KCNG2: variants seen among roughly 807,000 people sequenced by gnomAD.
The protein encoded by KCNG2 is voltage-gated potassium channel regulatory subunit KCNG2.
Under a neutral mutation model 12.3 loss-of-function variants are expected in KCNG2, and 7 were observed. The ratio of observed to expected loss-of-function variants is 0.57; its 90% CI spans 0.32 to 1.07. The LOEUF is 1.07. Among genes scored for constraint, KCNG2 ranks in the 50% least tolerant of loss-of-function variants. The pLI, the probability that KCNG2 is intolerant of heterozygous loss-of-function variation, is 0.04. For synonymous variants in KCNG2, 414 were observed against 351.4 expected, an observed-to-expected ratio of 1.18 and a Z score of -1.99; for missense variants, 703 against 726.0, an observed-to-expected ratio of 0.97 and a Z score of 0.36.
intron 1 of KCNG2, among the ~76,000 whole-genome samples, chr18:79,825,796 C>T (rs2087609570): frequency 6.6e-6 from 1 of 152,206 alleles, no homozygotes; most frequent in Non-Finnish European, 1.5e-5. Flanking sequence ...CCTGTATCGT[C>T]TGGGGGAAAA....
At chr18:79,844,202 T>C (rs1381215249) in intron 1 of KCNG2, among the ~76,000 whole-genome samples, 1 of 152,172 alleles carries the variant, frequency 6.6e-6, no homozygotes, top group East Asian at 1.9e-4. Context: ...GAACATGTTA[T>C]TGACATATAC....
chr18:79,826,687 C>T (rs939579397), intron 1 of KCNG2, among the ~76,000 whole-genome samples: 3 of 144,828 alleles, frequency 2.1e-5, no homozygotes, highest in Non-Finnish European at 4.5e-5. Context: ...GAGTGAGCAG[C>T]TCCTCACGGA....
rs776467192 is a variant in KCNG2, at chr18:79,899,767, G to T, written c.1352G>T (p.Gly451Val). Residue 451 changes from glycine to valine, a missense_variant, in exon 4 of 4, where the codon GGC (glycine) becomes GTC (valine). Transcript: ENST00000316249. ...AGCTCGCAGGGCCCCGACAGCGCGG[G>T]CCTGGCCGACGACTCCGCGGATGCG... is the stretch of plus-strand genomic sequence containing the variant. ...EDSSQGPDSA[G>V]LADDSADALW... 1.3e-6 allele frequency: 2 copies of T among 1,518,918 alleles called. No homozygotes were observed. Among genetic ancestry groups the T allele is most frequent in the South Asian group, 1.3e-5 (1 of 79,108 alleles). 94.1% of individuals were successfully genotyped at this position (1,518,918 alleles called of 1,614,324 possible).
rs1010447869 is a variant in KCNG2 at position 79,797,949 on chromosome 18, G to C, written c.-180G>C. Among the ~76,000 whole-genome samples, 1 of 151,458 alleles carries C rather than the reference G, an allele frequency of 6.6e-6. No individual in the cohort carries two copies. Among genetic ancestry groups the C allele is most frequent in the African/African-American group, 2.4e-5 (1 of 41,224 alleles). On this transcript the variant is annotated 5_prime_UTR_variant, in exon 1 of 4. Transcript: ENST00000316249. ...GGGATGCCGGCTCCAGAGACGCCGC[G>C]CTCCGCCCCGAGGAGGCCGCCGGCC... is the stretch of plus-strand genomic sequence containing the variant.
At chr18:79,848,428 G>A (rs1978697606) in intron 1 of KCNG2, among the ~76,000 whole-genome samples, 2 of 152,168 alleles carry the variant, frequency 1.3e-5, no homozygotes, top group Admixed American at 1.3e-4. Flanking sequence ...CTGCAGCACC[G>A]GCCATCGTCA....
At position 79,899,201 on chromosome 18, in the gene KCNG2, C is replaced by G; in HGVS notation, c.786C>G (p.Phe262Leu). 1 of 1,603,692 alleles carries G rather than the reference C, an allele frequency of 6.2e-7. No individual in the cohort carries two copies. Among genetic ancestry groups the G allele is most frequent in the Non-Finnish European group, 8.5e-7 (1 of 1,179,446 alleles). ...NIIDILALLP[F>L]YVSLLLGLAA... ...TTGACATCCTGGCGCTCCTGCCGTT[C>G]TACGTGTCGCTGCTGCTGGGGCTGG... The change falls in exon 4 of 4, where the codon TTC (phenylalanine) becomes TTG (leucine). Residue 262 changes from phenylalanine to leucine, a missense_variant. By Grantham distance (22) the Phe-to-Leu change is conservative. Coordinates refer to ENST00000316249, the MANE Select transcript of KCNG2 (RefSeq NM_012283.2).
At chr18:79,830,239 C>G (rs867726507) in intron 1 of KCNG2, among the ~76,000 whole-genome samples, 15 of 152,274 alleles carry the variant, frequency 9.9e-5, no homozygotes, top group South Asian at 6.2e-4. Context: ...GGTCAACACA[C>G]CTCCCCTGAA....
intron 2 of KCNG2, 83 bp from the exon 3 acceptor site, chr18:79,863,545 G>T (rs917258203): frequency 5.6e-6 from 6 of 1,070,564 alleles, no homozygotes; most frequent in Admixed American, 4.9e-5. Flanking sequence ...GTTCGGTGCC[G>T]GCCCGGCCCC....
At chr18:79,837,382 G>A (rs543097197) in intron 1 of KCNG2, among the ~76,000 whole-genome samples, 24 of 152,322 alleles carry the variant, frequency 1.6e-4, no homozygotes, top group African/African-American at 5.5e-4. Flanking sequence ...GGCAGATGGT[G>A]CAAGCAGTTG....
Position 79,831,654 on chromosome 18 carries a change from GGACAGAGCC to G in KCNG2, c.-114-24724_-114-24716del, listed in dbSNP as rs1978296499. Among the ~76,000 whole-genome samples the G allele has an allele frequency of 3.5e-5, 4 of 114,318 alleles. 1 individual carries two copies. Among genetic ancestry groups the G allele is most frequent in the African/African-American group, 1.8e-4 (4 of 22,340 alleles). 75.0% of individuals were successfully genotyped at this position (114,318 alleles called of 152,430 possible). On this transcript the variant is annotated intron_variant, in intron 1 of 3. Coordinates refer to ENST00000316249, the MANE Select transcript of KCNG2 (RefSeq NM_012283.2). ...AGCCTTCGTCAGGAGCGTGCCCTGCGGACAGAGCCTTCGTCAGGAGGGTTCCCTGCGGAC... is the reference window on the plus strand; with the variant it reads ...AGCCTTCGTCAGGAGCGTGCCCTGCGTTCGTCAGGAGGGTTCCCTGCGGAC...
chr18:79,829,206 C>G (rs911821042), intron 1 of KCNG2, among the ~76,000 whole-genome samples: 1 of 142,882 alleles, frequency 7.0e-6, no homozygotes, highest in Non-Finnish European at 1.5e-5. Flanking sequence ...GTGTGGGTGT[C>G]TATGTGTGCA....
intron 1 of KCNG2, among the ~76,000 whole-genome samples, chr18:79,833,525 T>A (rs1489312355): frequency 6.6e-6 from 1 of 152,216 alleles, no homozygotes; most frequent in African/African-American, 2.4e-5. Context: ...TGCATGTTGT[T>A]AGCATCATGT....
At chr18:79,877,935 C>T (rs1980138835) in intron 3 of KCNG2, among the ~76,000 whole-genome samples, 2 of 152,254 alleles carry the variant, frequency 1.3e-5, no homozygotes, top group Admixed American at 1.3e-4. Context: ...CCCTTGCCCA[C>T]CGGGCTGCAT....
At chr18:79,881,296 T>C (rs530815399) in intron 3 of KCNG2, among the ~76,000 whole-genome samples, 1 of 150,382 alleles carries the variant, frequency 6.6e-6, no homozygotes, top group Non-Finnish European at 1.5e-5. Context: ...AGCAAGAGAA[T>C]AGGACTGCCT....
intron 3 of KCNG2, among the ~76,000 whole-genome samples, chr18:79,885,031 C>A (rs1233614454): frequency 6.6e-6 from 1 of 152,188 alleles, no homozygotes; most frequent in African/African-American, 2.4e-5. Context: ...ACACCCCTCA[C>A]AGTCCCCATC....
Position 79,885,584 on chromosome 18 carries a change from C to T in KCNG2, c.625-13456C>T, listed in dbSNP as rs531381088. On this transcript the variant is annotated intron_variant, in intron 3 of 3. Coordinates refer to ENST00000316249, the MANE Select transcript of KCNG2 (RefSeq NM_012283.2). ...CTCCTGCCCCACCGGTCCCTATGCC[C>T]GGCCAGGGACACAGGATTCCTCAGA... 1.8e-4 allele frequency among the ~76,000 whole-genome samples: 27 copies of T among 152,322 alleles called. No individual in the cohort carries two copies. The East Asian group carries it at 3.9e-3, about 22-fold the overall frequency.
intron 3 of KCNG2, among the ~76,000 whole-genome samples, chr18:79,870,296 G>T (rs1032660513): frequency 6.6e-6 from 1 of 152,232 alleles, no homozygotes; most frequent in Admixed American, 6.5e-5. Context: ...GTCTTCTGTC[G>T]TCTCTGACAG....
At chr18:79,881,829 G>A (rs905765239) in intron 3 of KCNG2, among the ~76,000 whole-genome samples, 2 of 152,214 alleles carry the variant, frequency 1.3e-5, no homozygotes, top group African/African-American at 4.8e-5. Flanking sequence ...TTCACGATTT[G>A]TTCTGAAGCC....
chr18:79,864,184 G>C lies in KCNG2; in HGVS notation c.517G>C (p.Gly173Arg), dbSNP rs761389441. 6.6e-7 allele frequency: 1 copy of C among 1,526,126 alleles called. No individual in the cohort carries two copies. Among genetic ancestry groups the C allele is most frequent in the South Asian group, 1.2e-5 (1 of 86,606 alleles). 94.5% of individuals were successfully genotyped at this position (1,526,126 alleles called of 1,614,324 possible). ...CGACGTGGTGGACAACCCGCACTCGGGGCTGGCGGGCAAGCTCTTCGCCTG... is the reference window on the plus strand; with the variant it reads ...CGACGTGGTGGACAACCCGCACTCGCGGCTGGCGGGCAAGCTCTTCGCCTG... ...LRDVVDNPHS[G>R]LAGKLFACVS... Residue 173 changes from glycine (G) to arginine (R), a missense_variant, in exon 3 of 4, where the codon GGG becomes CGG. By Grantham distance (125) the Gly-to-Arg change is moderately radical. Transcript: ENST00000316249.
Sources: allele counts gnomAD v4.1 joint callset (sites outside exome capture counted in the v4.1 genomes callset), GRCh38; gene constraint gnomAD v4.1.1; transcripts MANE v1.5; gene names NCBI Gene and HGNC (gene_info 2026-07-23, HGNC 2026-07-21).